The following HMBOX1 variants were observed in gnomAD, a reference collection of about 807,000 sequenced individuals.
The protein encoded by HMBOX1 is homeobox-containing protein 1.
A neutral mutation model predicts 54.5 loss-of-function variants in HMBOX1; 14 were observed. That is an observed-to-expected ratio of 0.26 (90% CI 0.17 to 0.40). HMBOX1 has a LOEUF of 0.40. Among genes scored for constraint, HMBOX1 ranks in the 10% least tolerant of loss-of-function variants. The pLI is 1.00. For synonymous variants in HMBOX1, 160 were observed against 181.0 expected, an observed-to-expected ratio of 0.88 and a Z score of 0.93; for missense variants, 332 against 514.4, an observed-to-expected ratio of 0.65 and a Z score of 3.43.
intron 4 of HMBOX1, among the ~76,000 whole-genome samples, chr8:28,995,868 C>T (rs186696035): frequency 6.6e-6 from 1 of 152,128 alleles, no homozygotes; most frequent in East Asian, 1.9e-4. Context: ...TTTGGAAGGC[C>T]GCGGCGGGTG....
chr8:28,973,569 T>C (rs1272760340), intron 3 of HMBOX1, among the ~76,000 whole-genome samples: 4 of 152,110 alleles, frequency 2.6e-5, no homozygotes, highest in Non-Finnish European at 5.9e-5. Flanking sequence ...TTTAGGAATA[T>C]ACTGCCCTTG....
intron 4 of HMBOX1, among the ~76,000 whole-genome samples, chr8:29,002,857 A>G (rs995580619): frequency 5.3e-5 from 8 of 152,068 alleles, no homozygotes; most frequent in African/African-American, 1.9e-4. Flanking sequence ...TAGTGTATTT[A>G]TTTCTAAGGG....
chr8:28,917,531 T>C (rs1453462674), intron 1 of HMBOX1, among the ~76,000 whole-genome samples: 1 of 152,184 alleles, frequency 6.6e-6, no homozygotes, highest in Non-Finnish European at 1.5e-5. Context: ...CTTTCCAGTC[T>C]GTGCTTTTTT....
intron 2 of HMBOX1, among the ~76,000 whole-genome samples, chr8:28,964,880 A>T (rs1043695250): frequency 2.8e-4 from 43 of 152,266 alleles, no homozygotes; most frequent in Non-Finnish European, 5.6e-4. Context: ...TTTTTAAAAA[A>T]ATTTATTTGC....
intron 7 of HMBOX1, 97 bp from the exon 8 acceptor site, chr8:29,047,261 A>AATC (rs1805707786): frequency 1.3e-6 from 1 of 752,284 alleles, no homozygotes; most frequent in Non-Finnish European, 2.3e-6. Context: ...CAATAAACGT[A>AATC]ATCAAAAGCA....
chr8:28,958,775 CAG>C lies in HMBOX1; in HGVS notation c.-57-5033_-57-5032del, dbSNP rs552431977. On this transcript the variant is annotated intron_variant, in intron 1 of 9. Coordinates refer to ENST00000287701, the MANE Select transcript of HMBOX1 (RefSeq NM_001135726.3). The stretch of plus-strand genomic sequence containing the variant: ...ATATTTGCCCTTCTTATGTTTTTAC[CAG>C]AGTGTTTTTTTCTCTAGTCTTCTTT... 6.6e-5 allele frequency among the ~76,000 whole-genome samples: 10 copies of C among 151,890 alleles called. No homozygotes were observed. In the South Asian group the frequency reaches 1.9e-3, roughly 28 times the overall value.
At chr8:29,040,744 T>C (rs1162555614) in intron 6 of HMBOX1, among the ~76,000 whole-genome samples, 2 of 152,188 alleles carry the variant, frequency 1.3e-5, no homozygotes, top group Non-Finnish European at 2.9e-5. Context: ...TCAATTCTTA[T>C]TTTCTTTAGC....
intron 4 of HMBOX1, among the ~76,000 whole-genome samples, chr8:28,999,119 C>T (rs1022917026): frequency 2.6e-5 from 4 of 152,094 alleles, no homozygotes; most frequent in African/African-American, 9.7e-5. Context: ...TGCTTAATGT[C>T]CTTTCCTTTC....
chr8:28,969,551 G>C (rs922865984), intron 2 of HMBOX1, among the ~76,000 whole-genome samples: 2 of 151,762 alleles, frequency 1.3e-5, no homozygotes, highest in South Asian at 4.2e-4. Flanking sequence ...CAAATCATTT[G>C]TTCTCACTAA....
chr8:29,006,066 C>A, intron 4 of HMBOX1, among the ~76,000 whole-genome samples: 1 of 147,868 alleles, frequency 6.8e-6, no homozygotes, highest in Non-Finnish European at 1.5e-5. Context: ...AATCTTGGCT[C>A]ACTACAACCT....
intron 1 of HMBOX1, among the ~76,000 whole-genome samples, chr8:28,961,497 T>C (rs1344106614): frequency 6.6e-6 from 1 of 152,252 alleles, no homozygotes; most frequent in Non-Finnish European, 1.5e-5. Context: ...CTTAGCATCA[T>C]GTCTTCAAGT....
chr8:29,029,766 C>T (rs1802624180), intron 6 of HMBOX1, among the ~76,000 whole-genome samples: 1 of 152,110 alleles, frequency 6.6e-6, no homozygotes, highest in Non-Finnish European at 1.5e-5. Flanking sequence ...ACTTCTCAGC[C>T]CTTTATCTTC....
chr8:28,895,138 C>T (rs891315997), intron 1 of HMBOX1, among the ~76,000 whole-genome samples: 1 of 152,204 alleles, frequency 6.6e-6, no homozygotes, highest in African/African-American at 2.4e-5. Flanking sequence ...CTAAATTCCA[C>T]ATGCTGAGTA....
chr8:28,896,691 A>G (rs1054978866), intron 1 of HMBOX1, among the ~76,000 whole-genome samples: 3 of 152,012 alleles, frequency 2.0e-5, no homozygotes, highest in African/African-American at 4.8e-5. Flanking sequence ...GTTGCCTACA[A>G]TGTTTAATAC....
chr8:29,037,168 A>T (rs1014379097), intron 6 of HMBOX1, among the ~76,000 whole-genome samples: 3 of 152,198 alleles, frequency 2.0e-5, no homozygotes, highest in Non-Finnish European at 4.4e-5. Context: ...GTTGATATGG[A>T]CAGAGCCATT....
At chr8:28,896,820 A>G (rs1389075870) in intron 1 of HMBOX1, among the ~76,000 whole-genome samples, 1 of 152,132 alleles carries the variant, frequency 6.6e-6, no homozygotes, top group Non-Finnish European at 1.5e-5. Context: ...CGTTTCTCAG[A>G]GTGTATCTCT....
intron 1 of HMBOX1, among the ~76,000 whole-genome samples, chr8:28,916,473 G>A (rs1816569036): frequency 6.6e-6 from 1 of 152,170 alleles, no homozygotes; most frequent in Non-Finnish European, 1.5e-5. Context: ...CCCATTTTGA[G>A]TTAATGCGTG....
rs544726122 is a variant in HMBOX1 at position 29,001,664 on chromosome 8, T to C, written c.587-7408T>C. 2.6e-5 allele frequency among the ~76,000 whole-genome samples: 4 copies of C among 152,324 alleles called. No individual in the cohort carries two copies. In the East Asian group the frequency reaches 7.7e-4, roughly 29 times the overall value. ...AAGGGGCATAGAAATAATCTGTAAA[T>C]TGATTTGAGCATGCATCATGTACAT... On this transcript the variant is annotated intron_variant, in intron 4 of 9. Transcript: ENST00000287701.
chr8:29,004,751 C>T (rs1236648007), intron 4 of HMBOX1, among the ~76,000 whole-genome samples: 5 of 152,044 alleles, frequency 3.3e-5, no homozygotes, highest in Admixed American at 3.3e-4. Context: ...TGGGCAATGA[C>T]GTTTTCTTCT....
Sources: gnomAD v4.1 joint callset for allele counts (sites outside exome capture counted in the v4.1 genomes callset) on GRCh38, gnomAD v4.1.1 for gene constraint, MANE v1.5 for transcripts, NCBI Gene and HGNC (gene_info 2026-07-23, HGNC 2026-07-21) for gene names.